MYO5A: variants seen among roughly 807,000 people sequenced by gnomAD.
MYO5A encodes unconventional myosin-Va.
MYO5A carries 98 observed loss-of-function variants against 249.7 expected under a neutral mutation model. The ratio of observed to expected loss-of-function variants is 0.39; its 90% CI spans 0.33 to 0.46. The LOEUF is 0.46. Among genes scored for constraint, MYO5A ranks in the 20% least tolerant of loss-of-function variants. The pLI is 0.98. For synonymous variants in MYO5A, 778 were observed against 810.6 expected (o/e 0.96, Z 0.68); for missense variants, 1,696 against 2,308.8 (o/e 0.73, Z 5.44).
chr15:52,317,274 A>C (rs1183253513), intron 39 of MYO5A, 52 bp from the exon 40 acceptor site: 1 of 1,577,704 alleles, frequency 6.3e-7, no homozygotes, highest in Non-Finnish European at 8.7e-7. Context: ...TTTTGTCAAA[A>C]ATGTCTTAAT....
chr15:52,362,992 G>C (rs1178959446), intron 24 of MYO5A, among the ~76,000 whole-genome samples: 1 of 152,272 alleles, frequency 6.6e-6, no homozygotes, highest in East Asian at 1.9e-4. Flanking sequence ...GTTTATCTCT[G>C]TTTAACCTAG....
chr15:52,488,651 T>C (rs2076872794), intron 1 of MYO5A, among the ~76,000 whole-genome samples: 1 of 152,182 alleles, frequency 6.6e-6, no homozygotes, highest in Admixed American at 6.5e-5. Context: ...AAAATGGTTG[T>C]GATTTGCCTT....
intron 18 of MYO5A, among the ~76,000 whole-genome samples, chr15:52,377,727 C>G (rs891373880): frequency 6.6e-6 from 1 of 151,954 alleles, no homozygotes; most frequent in Non-Finnish European, 1.5e-5. Context: ...AACACCACTA[C>G]GTCCAGCTAA....
chr15:52,321,792 T>TAA (rs71875115), intron 37 of MYO5A, among the ~76,000 whole-genome samples: 1,479 of 92,820 alleles, frequency 0.016, 26 homozygotes, highest in African/African-American at 0.056. Flanking sequence ...GGAACTTAAC[T>TAA]AAAAAAAAAA....
chr15:52,404,964 C>T (rs748483814), intron 9 of MYO5A, among the ~76,000 whole-genome samples: 16 of 151,830 alleles, frequency 1.1e-4, no homozygotes, highest in Admixed American at 2.0e-4. Flanking sequence ...GCTTTAACTT[C>T]CATGAGTTTC....
intron 1 of MYO5A, among the ~76,000 whole-genome samples, chr15:52,486,224 T>G (rs2076817819): frequency 6.6e-6 from 1 of 152,200 alleles, no homozygotes; most frequent in South Asian, 2.1e-4. Context: ...TGTCCAGGCG[T>G]CTCTTCCTGA....
At chr15:52,392,520 G>A (rs1211532261) in intron 11 of MYO5A, among the ~76,000 whole-genome samples, 1 of 152,236 alleles carries the variant, frequency 6.6e-6, no homozygotes, top group Non-Finnish European at 1.5e-5. Flanking sequence ...GGACTGTGGT[G>A]CTGAAGTTCA....
At chr15:52,418,414 A>G (rs2043620623) in intron 4 of MYO5A, among the ~76,000 whole-genome samples, 1 of 152,232 alleles carries the variant, frequency 6.6e-6, no homozygotes, top group Admixed American at 6.5e-5. Flanking sequence ...CTCTAGGGTC[A>G]TAGTCAATTG....
chr15:52,314,834 G>A (rs561627423), intron 40 of MYO5A, among the ~76,000 whole-genome samples: 10 of 151,888 alleles, frequency 6.6e-5, no homozygotes, highest in Admixed American at 3.3e-4. Context: ...ATAAATCATC[G>A]TCTATATAAG....
chr15:52,516,148 T>G (rs1345587686), intron 1 of MYO5A, among the ~76,000 whole-genome samples: 2 of 152,110 alleles, frequency 1.3e-5, no homozygotes, highest in Non-Finnish European at 1.5e-5. Context: ...GAAAGTAGAA[T>G]AGCAAAACCA....
At chr15:52,474,719 TTG>T (rs1313811924) in intron 1 of MYO5A, among the ~76,000 whole-genome samples, 1 of 152,254 alleles carries the variant, frequency 6.6e-6, no homozygotes, top group Non-Finnish European at 1.5e-5. Context: ...TGAACCAGCC[TTG>T]CATCCCAGGG....
chr15:52,377,601 C>T lies in MYO5A; in HGVS notation c.2209-1043G>A, dbSNP rs1159685150. ...TTTTTTTTTTTTTTGAGATGAGTCT[C>T]GCTCTGTCTCCCAAGCTGGAGTACA... is the stretch of plus-strand genomic sequence containing the variant. On this transcript the variant is annotated intron_variant, in intron 18 of 41. Transcript: ENST00000399233. Among the ~76,000 whole-genome samples, 5 of 134,648 alleles carry T rather than the reference C, an allele frequency of 3.7e-5. No homozygotes were observed. The South Asian group carries it at 7.1e-4, about 19-fold the overall frequency. The allele number at this position is 134,648 out of a possible 152,430, so 88.3% of individuals were successfully genotyped here. A position where few individuals can be genotyped will look rare whatever the true frequency, so the allele number is the denominator to read the frequency against.
At chr15:52,474,981 C>T (rs930057012) in intron 1 of MYO5A, among the ~76,000 whole-genome samples, 4 of 152,288 alleles carry the variant, frequency 2.6e-5, no homozygotes, top group South Asian at 4.1e-4. Flanking sequence ...CCTCTTTGTA[C>T]CTCTGGTAGA....
chr15:52,316,780 T>A lies in MYO5A; in HGVS notation c.5409+268A>T, dbSNP rs920928635. On this transcript the variant is annotated intron_variant, in intron 40 of 41. Coordinates refer to ENST00000399233, the MANE Select transcript of MYO5A (RefSeq NM_001382347.1). ...AGACTTTGTTTTGCCTATGGGTGTA[T>A]CCCAGTGCCTTCAATGTTATATAGA... Among the ~76,000 whole-genome samples, 5 of 152,228 alleles carry A rather than the reference T, an allele frequency of 3.3e-5. No homozygotes were observed. In the South Asian group the frequency reaches 6.2e-4, roughly 19 times the overall value.
intron 20 of MYO5A, among the ~76,000 whole-genome samples, chr15:52,374,654 T>C (rs967475628): frequency 6.6e-6 from 1 of 152,198 alleles, no homozygotes; most frequent in African/African-American, 2.4e-5. Context: ...TGGACTGATG[T>C]GGCTACAAGC....
intron 9 of MYO5A, among the ~76,000 whole-genome samples, chr15:52,402,636 G>A (rs1370683722): frequency 6.6e-6 from 1 of 152,138 alleles, no homozygotes; most frequent in Non-Finnish European, 1.5e-5. Flanking sequence ...CCTGAGGTCA[G>A]GAGTTCGAGA....
intron 4 of MYO5A, among the ~76,000 whole-genome samples, chr15:52,425,440 A>G (rs1007133859): frequency 3.3e-5 from 5 of 151,970 alleles, no homozygotes; most frequent in African/African-American, 1.2e-4. Context: ...GCTCACTGCA[A>G]CCTCTGTCTC....
intron 16 of MYO5A, 107 bp from the exon 17 acceptor site, chr15:52,380,015 A>C: frequency 9.1e-7 from 1 of 1,096,216 alleles, no homozygotes; most frequent in African/African-American, 1.6e-5. Context: ...AAAATGGATA[A>C]ATCAGAAAAG....
intron 38 of MYO5A, among the ~76,000 whole-genome samples, chr15:52,321,040 T>C (rs2038282175): frequency 6.6e-6 from 1 of 151,598 alleles, no homozygotes; most frequent in Non-Finnish European, 1.5e-5. Flanking sequence ...AGCCTGCTGA[T>C]AATTTGCTGG....
Sources: gnomAD v4.1 joint callset for allele counts (sites outside exome capture counted in the v4.1 genomes callset) on GRCh38, gnomAD v4.1.1 for gene constraint, MANE v1.5 for transcripts, NCBI Gene and HGNC (gene_info 2026-07-23, HGNC 2026-07-21) for gene names.